ATAD3B: variants seen among roughly 807,000 people sequenced by gnomAD.
The protein encoded by ATAD3B is ATPase family AAA domain-containing protein 3B.
ATAD3B carries 59 observed loss-of-function variants against 70.2 expected under a neutral mutation model. That is an observed-to-expected ratio of 0.84 (90% confidence interval 0.68 to 1.04). The LOEUF (loss-of-function observed/expected upper bound fraction) is 1.04. ATAD3B is among the 50% of genes least tolerant of loss of function. The pLI is 0.00. For missense variants in ATAD3B, 961 were observed against 913.4 expected, an observed-to-expected ratio of 1.05 and a Z score of -0.67; for synonymous variants, 423 against 388.6, an observed-to-expected ratio of 1.09 and a Z score of -1.04.
At chr1:1,502,221 T>TC (rs1294610696), downstream of ATAD3B, among the ~76,000 whole-genome samples, 2 of 119,858 alleles carry the variant, frequency 1.7e-5, no homozygotes, top group South Asian at 2.8e-4. Context: ...TTTCTCTCTC[T>TC]TTTTTTTTTT....
chr1:1,502,899 C>A, the ATAD3B span, among the ~76,000 whole-genome samples: 1 of 151,304 alleles, frequency 6.6e-6, no homozygotes, highest in African/African-American at 2.4e-5. Flanking sequence ...AATAAGACTT[C>A]ATTCAGTCTA....
rs547248443 is a variant in ATAD3B, at chr1:1,489,627, C to T, written c.1337+353C>T. The T allele has an allele frequency of 2.7e-4, 365 of 1,331,506 alleles. 2 individuals carry two copies. The East Asian group carries it at 3.1e-3, about 11-fold the overall frequency. The allele number at this position is 1,331,506 out of a possible 1,614,324, so 82.5% of individuals were successfully genotyped here. On this transcript the variant is annotated intron_variant, in intron 13 of 15. Transcript: ENST00000673477. ...CCAGTAGGGTGACCGGCCCTATGTC[C>T]AGGCTCCCTCTTCCCTCCCAAATCC...
At chr1:1,481,416 C>T (rs1426662533) in intron 5 of ATAD3B, among the ~76,000 whole-genome samples, 4 of 42,354 alleles carry the variant, frequency 9.4e-5, no homozygotes, top group Non-Finnish European at 1.2e-4. Context: ...TCTCATTATC[C>T]GCCTGCCTTG....
At position 1,490,776 on chromosome 1, in the gene ATAD3B, G is replaced by C. The variant is rs1009094401; in HGVS notation, c.1614+105G>C. On this transcript the variant is annotated intron_variant, in intron 15 of 15. Coordinates refer to ENST00000673477, the MANE Select transcript of ATAD3B (RefSeq NM_031921.6). ...GCACCGGTGTCATGTGGGAGCTTCT[G>C]TTGAGGGGTTTTCAGTGCACAGACG... The C allele has an allele frequency of 2.7e-6, 4 of 1,504,336 alleles. No individual in the cohort carries two copies. In the African/African-American group the frequency reaches 5.5e-5, roughly 21 times the overall value. 93.2% of individuals were successfully genotyped at this position (1,504,336 alleles called of 1,614,324 possible).
intron 15 of ATAD3B, among the ~76,000 whole-genome samples, chr1:1,493,865 G>A (rs1400835331): frequency 6.6e-6 from 1 of 151,936 alleles, no homozygotes; most frequent in African/African-American, 2.4e-5. Context: ...GCTCATCAGG[G>A]ATATTGGCCT....
chr1:1,474,465 C>G (rs1280108869), intron 1 of ATAD3B, among the ~76,000 whole-genome samples: 1 of 151,664 alleles, frequency 6.6e-6, no homozygotes, highest in Non-Finnish European at 1.5e-5. Context: ...GCTGGGATTA[C>G]AGACGTGAGC....
intron 1 of ATAD3B, among the ~76,000 whole-genome samples, chr1:1,472,496 A>T (rs921025493): frequency 1.1e-4 from 17 of 151,924 alleles, no homozygotes; most frequent in Non-Finnish European, 2.2e-4. Context: ...TCCACGTAAC[A>T]AGGGAAGCGT....
chr1:1,475,523 C>T (rs1430960542), intron 1 of ATAD3B, among the ~76,000 whole-genome samples: 3 of 151,948 alleles, frequency 2.0e-5, no homozygotes, highest in Admixed American at 6.6e-5. Flanking sequence ...TCCTCCTCAC[C>T]GACTGCCTCC....
chr1:1,489,118 C>G, intron 12 of ATAD3B, 86 bp from the exon 13 acceptor site: 1 of 1,601,432 alleles, frequency 6.2e-7, no homozygotes. Flanking sequence ...CTGCTCCCTG[C>G]AGGAGGGAGG....
chr1:1,483,030 C>T (rs182460423), intron 7 of ATAD3B: 74 of 456,774 alleles, frequency 1.6e-4, no homozygotes, highest in African/African-American at 1.2e-3. Context: ...GGTAGTGGCT[C>T]AGGCCTGTAA....
chr1:1,498,338 A>G (rs1036506163), downstream of ATAD3B, among the ~76,000 whole-genome samples: 11 of 151,800 alleles, frequency 7.2e-5, no homozygotes, highest in Admixed American at 5.9e-4. Flanking sequence ...GCCTGGTGGC[A>G]TGTGCCTGTG....
At chr1:1,478,226 A>G in intron 2 of ATAD3B, 1 of 480,228 alleles carries the variant, frequency 2.1e-6, no homozygotes, top group Non-Finnish European at 3.7e-6. Context: ...TGAACTCCTG[A>G]CCTCAGGTGA....
chr1:1,492,509 A>G (rs1312621597), intron 15 of ATAD3B, among the ~76,000 whole-genome samples: 1 of 150,918 alleles, frequency 6.6e-6, no homozygotes, highest in African/African-American at 2.4e-5. Flanking sequence ...AAGAATAATA[A>G]TTTGGGCTGG....
At chr1:1,506,355 C>G in the ATAD3B span, among the ~76,000 whole-genome samples, 4 of 151,872 alleles carry the variant, frequency 2.6e-5, no homozygotes, top group Admixed American at 6.6e-5. Context: ...ACAGGGATTG[C>G]ATCCAGTCTC....
intron 5 of ATAD3B, among the ~76,000 whole-genome samples, 184 bp from the exon 6 acceptor site, chr1:1,481,954 T>C (rs1639927622): frequency 7.2e-6 from 1 of 139,096 alleles, no homozygotes; most frequent in South Asian, 2.2e-4. Flanking sequence ...GGCCGGTCCG[T>C]GGTGCGGGCC....
chr1:1,492,133 CTG>C (rs1402928895), intron 15 of ATAD3B, among the ~76,000 whole-genome samples: 1 of 151,756 alleles, frequency 6.6e-6, no homozygotes, highest in Non-Finnish European at 1.5e-5. Context: ...CTGCAGTGAG[CTG>C]TGATTGTGCC....
chr1:1,504,162 A>T, the ATAD3B span, among the ~76,000 whole-genome samples: 22 of 151,140 alleles, frequency 1.5e-4, no homozygotes, highest in African/African-American at 5.1e-4. Flanking sequence ...TAATTTTTGG[A>T]TTTTTAGTAG....
intron 1 of ATAD3B, among the ~76,000 whole-genome samples, chr1:1,476,534 G>A (rs550192237): frequency 6.6e-6 from 1 of 150,700 alleles, no homozygotes; most frequent in African/African-American, 2.4e-5. Flanking sequence ...TTTTTGAGAC[G>A]GACTCTTGCT....
intron 15 of ATAD3B, among the ~76,000 whole-genome samples, chr1:1,493,184 T>TGAG (rs1640623156): frequency 6.6e-6 from 1 of 151,946 alleles, no homozygotes; most frequent in Admixed American, 6.6e-5. Flanking sequence ...CACATAAGAT[T>TGAG]ATGTCACCTG....
Sources: allele counts gnomAD v4.1 joint callset (sites outside exome capture counted in the v4.1 genomes callset), GRCh38; gene constraint gnomAD v4.1.1; transcripts MANE v1.5; gene names NCBI Gene and HGNC (gene_info 2026-07-23, HGNC 2026-07-21).